NBEA: variants seen among roughly 807,000 people sequenced by gnomAD.
NBEA encodes neurobeachin, also known as lysosomal-trafficking regulator 2.
In NBEA, 44 loss-of-function variants were observed where a neutral mutation model predicts 343.4. The ratio of observed to expected loss-of-function variants is 0.13; its 90% confidence interval spans 0.10 to 0.16. NBEA has a LOEUF of 0.16. Ranked by LOEUF, NBEA falls within the 10% of genes least tolerant of loss-of-function variation. The pLI is 1.00. For missense variants in NBEA, 2,555 were observed against 3,631.3 expected, an observed-to-expected ratio of 0.70 and a Z score of 7.62; for synonymous variants, 1,175 against 1,238.7, an observed-to-expected ratio of 0.95 and a Z score of 1.08.
intron 35 of NBEA, among the ~76,000 whole-genome samples, chr13:35,306,576 C>A (rs1264414165): frequency 2.6e-5 from 4 of 151,780 alleles, no homozygotes; most frequent in Middle Eastern, 3.4e-3. Flanking sequence ...GGGTTTCATT[C>A]CCTTCCCTCC....
At chr13:35,090,000 T>A (rs2064994901) in intron 10 of NBEA, among the ~76,000 whole-genome samples, 1 of 151,380 alleles carries the variant, frequency 6.6e-6, no homozygotes, top group South Asian at 2.1e-4. Flanking sequence ...GAATGGCACA[T>A]GTATACATAT....
At chr13:35,165,876 G>A (rs2069981194) in intron 24 of NBEA, among the ~76,000 whole-genome samples, 1 of 151,528 alleles carries the variant, frequency 6.6e-6, no homozygotes, top group Admixed American at 6.6e-5. Context: ...GTAGTTATGG[G>A]GTTTCACTAT....
Position 35,432,283 on chromosome 13 carries a change from T to A in NBEA, c.6194T>A (p.Phe2065Tyr), listed in dbSNP as rs533951102. ...GAVSHSQLHD[F>Y]WRLDYWEDDL... ...TCTACTCTTAGCCAATTGCATGATT[T>A]CTGGCGTTTGGATTACTGGGAAGAT... Residue 2065 changes from phenylalanine (F) to tyrosine (Y), a missense_variant, in exon 39 of 59, where the codon TTC (phenylalanine) becomes TAC (tyrosine). This residue lies in a region of NBEA where 246 missense variants were observed against 313.7 expected (regional missense o/e 0.78). Coordinates refer to ENST00000379939, the MANE Select transcript of NBEA (RefSeq NM_001385012.1). The A allele has an allele frequency of 6.2e-7, 1 of 1,601,566 alleles. No homozygotes were observed. Among genetic ancestry groups the A allele is most frequent in the African/African-American group, 1.3e-5 (1 of 74,774 alleles).
chr13:35,217,037 T>A (rs2074102671), intron 33 of NBEA, among the ~76,000 whole-genome samples: 1 of 151,996 alleles, frequency 6.6e-6, no homozygotes, highest in South Asian at 2.1e-4. Flanking sequence ...TGGTCCAGTT[T>A]CTCCTCATTG....
chr13:35,540,070 T>C lies in NBEA; in HGVS notation c.6586-10407T>C, dbSNP rs1362538142. On this transcript the variant is annotated intron_variant, in intron 41 of 58. Coordinates refer to ENST00000379939, the MANE Select transcript of NBEA (RefSeq NM_001385012.1). The stretch of plus-strand genomic sequence containing the variant: ...TACAATCATTACTGCAACTCTACCC[T>C]GTAATCTTGTTTCATTCTGGCTGTA... 2.0e-5 allele frequency among the ~76,000 whole-genome samples: 3 copies of C among 152,050 alleles called. No homozygotes were observed. In the East Asian group the frequency reaches 5.8e-4, roughly 29 times the overall value.
At chr13:35,446,285 A>C (rs2046039142) in intron 39 of NBEA, among the ~76,000 whole-genome samples, 1 of 152,162 alleles carries the variant, frequency 6.6e-6, no homozygotes, top group Non-Finnish European at 1.5e-5. Context: ...ATACGTGTGC[A>C]TGTGTCTTTA....
intron 38 of NBEA, among the ~76,000 whole-genome samples, chr13:35,372,116 A>T (rs1445050502): frequency 6.6e-6 from 1 of 152,178 alleles, no homozygotes; most frequent in Non-Finnish European, 1.5e-5. Flanking sequence ...GGGTGCCAGC[A>T]GTGGCAGCAG....
chr13:35,515,685 T>C (rs2077457462), intron 41 of NBEA, among the ~76,000 whole-genome samples: 1 of 152,150 alleles, frequency 6.6e-6, no homozygotes, highest in African/African-American at 2.4e-5. Context: ...AAAAAGGCAA[T>C]ATATTTTATA....
chr13:35,328,968 A>T (rs1374112415), intron 36 of NBEA, among the ~76,000 whole-genome samples: 1 of 151,984 alleles, frequency 6.6e-6, no homozygotes, highest in Non-Finnish European at 1.5e-5. Flanking sequence ...AGATCAACGG[A>T]AGGAAATAGA....
At chr13:35,112,589 A>G (rs1566303888) in intron 13 of NBEA, among the ~76,000 whole-genome samples, 2 of 152,184 alleles carry the variant, frequency 1.3e-5, no homozygotes, top group Admixed American at 6.5e-5. Flanking sequence ...AACAAATCAT[A>G]TATTCACACA....
chr13:35,638,060 C>G (rs1328502289), intron 49 of NBEA, among the ~76,000 whole-genome samples: 1 of 152,004 alleles, frequency 6.6e-6, no homozygotes, highest in Admixed American at 6.6e-5. Context: ...GGTATCTTAA[C>G]GAGTCAAAAT....
intron 8 of NBEA, among the ~76,000 whole-genome samples, chr13:35,066,700 G>A (rs1392130615): frequency 1.3e-5 from 2 of 151,648 alleles, no homozygotes; most frequent in Admixed American, 1.3e-4. Context: ...GTATGTTATT[G>A]AATCTTATTT....
rs530000955 is a variant in NBEA at position 35,069,726 on chromosome 13, A to G, written c.1240-182A>G. Among the ~76,000 whole-genome samples, 3 of 152,272 alleles carry G rather than the reference A, an allele frequency of 2.0e-5. No homozygotes were observed. The East Asian group carries it at 5.8e-4, about 29-fold the overall frequency. ...AAGATCTGAGCATTTTTATTGGCAT[A>G]ATAAAACTTAACTCTCATTGAATTG... On this transcript the variant is annotated intron_variant, in intron 8 of 58. Coordinates refer to ENST00000379939, the MANE Select transcript of NBEA (RefSeq NM_001385012.1).
chr13:35,171,347 G>A lies in NBEA; in HGVS notation c.4318G>A (p.Ala1440Thr), dbSNP rs758691039. ...AGTAACTTTCCTCAGCCGGCTGATG[G>A]CTATGGTTGATGTACTTGTGTTTGC... ...TAVTFLSRLM[A>T]MVDVLVFASS... is the part of the protein sequence containing the mutation. Residue 1440 changes from alanine (A) to threonine (T), a missense_variant, in exon 26 of 59, where the codon GCT (alanine) becomes ACT (threonine). By Grantham distance (58) the Ala-to-Thr change is moderately conservative. Coordinates refer to ENST00000379939, the MANE Select transcript of NBEA (RefSeq NM_001385012.1). 1.9e-6 allele frequency: 3 copies of A among 1,612,096 alleles called. No homozygotes were observed. The highest frequency in any genetic ancestry group is 3.3e-5 in the Admixed American group (2 of 59,930).
At chr13:35,199,246 G>A (rs1487905921) in intron 31 of NBEA, among the ~76,000 whole-genome samples, 1 of 152,006 alleles carries the variant, frequency 6.6e-6, no homozygotes, top group African/African-American at 2.4e-5. Flanking sequence ...TACATTATGA[G>A]GTATATAAAC....
intron 38 of NBEA, among the ~76,000 whole-genome samples, chr13:35,429,093 CA>C (rs1364395217): frequency 6.6e-6 from 1 of 152,146 alleles, no homozygotes; most frequent in African/African-American, 2.4e-5. Context: ...GACACTTCCC[CA>C]GTGGGGAGGG....
rs537383561 is a variant in NBEA, at chr13:35,267,219, T to C, written c.5777-23170T>C. Among the ~76,000 whole-genome samples the C allele has an allele frequency of 1.8e-3, 278 of 151,954 alleles. 1 individual carries two copies. Among genetic ancestry groups the C allele is most frequent in the Non-Finnish European group, 3.5e-3 (236 of 67,800 alleles). On this transcript the variant is annotated intron_variant, in intron 34 of 58. Transcript: ENST00000379939. Reference sequence around the variant, plus strand: ...AGTTCAAAGCTGTGTCTTTCAAGGGTCAACTGTATTATATTTTTGAAAAAT... The same window carrying C: ...AGTTCAAAGCTGTGTCTTTCAAGGGCCAACTGTATTATATTTTTGAAAAAT...
At chr13:34,944,708 G>A (rs1449747436) in intron 1 of NBEA, among the ~76,000 whole-genome samples, 3 of 152,158 alleles carry the variant, frequency 2.0e-5, no homozygotes, top group Non-Finnish European at 4.4e-5. Context: ...TAGTATGTTA[G>A]CAGGTAACTG....
chr13:35,580,320 AG>A, intron 45 of NBEA, among the ~76,000 whole-genome samples: 1 of 152,280 alleles, frequency 6.6e-6, no homozygotes, highest in South Asian at 2.1e-4. Context: ...TTGACAGAAA[AG>A]GACACTATTT....
Sources: allele counts gnomAD v4.1 joint callset (sites outside exome capture counted in the v4.1 genomes callset), GRCh38; gene constraint gnomAD v4.1.1; regional missense constraint gnomAD v4.1.1; transcripts MANE v1.5; gene names NCBI Gene and HGNC (gene_info 2026-07-23, HGNC 2026-07-21).